Variants in MICU2 observed in about 807,000 individuals in gnomAD.
The protein encoded by MICU2 is mitochondrial calcium uptake 2.
Under a neutral mutation model 60.4 loss-of-function variants are expected in MICU2, and 64 were observed. That is an observed-to-expected ratio of 1.06 (90% CI 0.87 to 1.31). The LOEUF (loss-of-function observed/expected upper bound fraction) is 1.31. MICU2 is among the 50% of genes most tolerant of loss of function. The probability of loss-of-function intolerance (pLI) is 0.00; values close to 1 mark genes in which losing one functional copy is unlikely to be tolerated. For missense variants in MICU2, 569 were observed against 531.0 expected, an observed-to-expected ratio of 1.07 and a Z score of -0.70; for synonymous variants, 201 against 175.0, an observed-to-expected ratio of 1.15 and a Z score of -1.17.
At chr13:21,602,310 C>T (rs1321233249) in intron 1 of MICU2, among the ~76,000 whole-genome samples, 2 of 152,030 alleles carry the variant, frequency 1.3e-5, no homozygotes, top group Non-Finnish European at 1.5e-5. Context: ...ATCACGAGGT[C>T]AGGAGATCGA....
intron 2 of MICU2, among the ~76,000 whole-genome samples, chr13:21,558,092 T>C (rs1453966436): frequency 1.3e-5 from 2 of 152,238 alleles, no homozygotes; most frequent in Non-Finnish European, 2.9e-5. Context: ...CTGAGTACTA[T>C]TAACAATTCC....
intron 1 of MICU2, among the ~76,000 whole-genome samples, chr13:21,594,790 A>C (rs1490223438): frequency 2.6e-5 from 4 of 152,136 alleles, no homozygotes; most frequent in African/African-American, 9.7e-5. Flanking sequence ...AGAAAATCAA[A>C]CACCACATGT....
At chr13:21,587,371 T>C (rs1888482620) in intron 1 of MICU2, among the ~76,000 whole-genome samples, 1 of 152,250 alleles carries the variant, frequency 6.6e-6, no homozygotes, top group South Asian at 2.1e-4. Flanking sequence ...CTGACAGATG[T>C]CTTCTTACCA....
intron 2 of MICU2, among the ~76,000 whole-genome samples, chr13:21,559,968 G>A (rs1016950990): frequency 6.6e-6 from 1 of 152,106 alleles, no homozygotes; most frequent in Non-Finnish European, 1.5e-5. Context: ...TCACTAATAA[G>A]GGTAAACATA....
Position 21,510,024 on chromosome 13 carries a change from A to C in MICU2, c.741T>G (p.Leu247=). ...TTTACCTTCGAAATTCTTTATAATG[A>C]AGTTTTCTTTGTCCTCTTTTTCCAA... ...RFFGKRGQRK[L]HYKEFRRFME... The change falls in exon 8 of 12, where the codon CTT becomes CTG. Residue 247 remains leucine, a synonymous_variant. Transcript: ENST00000382374. The C allele has an allele frequency of 2.0e-6, 3 of 1,537,860 alleles. No homozygotes were observed. The highest frequency in any genetic ancestry group is 1.7e-4 in the Middle Eastern group (1 of 5,830).
At chr13:21,540,737 T>C (rs1030957562) in intron 2 of MICU2, among the ~76,000 whole-genome samples, 2 of 152,150 alleles carry the variant, frequency 1.3e-5, no homozygotes, top group Non-Finnish European at 2.9e-5. Context: ...GGAGAAACTA[T>C]TATGTGCCAG....
At chr13:21,585,063 C>T (rs80173791) in intron 1 of MICU2, among the ~76,000 whole-genome samples, 3 of 152,280 alleles carry the variant, frequency 2.0e-5, no homozygotes, top group East Asian at 1.9e-4. Context: ...ACAGTAGGAT[C>T]GTTAACTACT....
rs191570897 is a variant in MICU2 at position 21,590,356 on chromosome 13, G to A, written c.210+13583C>T. On this transcript the variant is annotated intron_variant, in intron 1 of 11. Transcript: ENST00000382374. ...TTCAGCCAAAGTAAGCTCCATAAGC[G>A]AAGGAGAAATAAAATCCTTTCCAGA... 1.3e-4 allele frequency among the ~76,000 whole-genome samples: 20 copies of A among 152,292 alleles called. No individual in the cohort carries two copies. In the South Asian group the frequency reaches 1.9e-3, roughly 14 times the overall value.
chr13:21,526,580 C>G (rs375318631), intron 4 of MICU2, among the ~76,000 whole-genome samples: 1 of 151,340 alleles, frequency 6.6e-6, no homozygotes, highest in Non-Finnish European at 1.5e-5. Context: ...TAGAGAGATA[C>G]GAATAGTAAG....
intron 4 of MICU2, among the ~76,000 whole-genome samples, chr13:21,527,499 A>C (rs1163470386): frequency 6.6e-6 from 1 of 152,228 alleles, no homozygotes; most frequent in African/African-American, 2.4e-5. Flanking sequence ...ACAGTATAAA[A>C]ACAGTACCTT....
chr13:21,528,347 A>T (rs369679217), intron 4 of MICU2, among the ~76,000 whole-genome samples: 33 of 152,342 alleles, frequency 2.2e-4, no homozygotes, highest in African/African-American at 7.9e-4. Context: ...TAAAAAGTGT[A>T]TCTTCTGAAT....
chr13:21,499,803 T>G (rs1056110480), intron 9 of MICU2, among the ~76,000 whole-genome samples: 5 of 150,124 alleles, frequency 3.3e-5, no homozygotes, highest in Non-Finnish European at 7.4e-5. Context: ...ATCCCAGCAC[T>G]TTGGGAGGCC....
chr13:21,548,896 G>A (rs1371875465), intron 2 of MICU2, among the ~76,000 whole-genome samples: 2 of 151,928 alleles, frequency 1.3e-5, no homozygotes, highest in Non-Finnish European at 2.9e-5. Context: ...CCCAGGGTGG[G>A]GGAGGAGAGA....
intron 5 of MICU2, 61 bp from the exon 6 acceptor site, chr13:21,521,388 G>C (rs111606012): frequency 1.8e-5 from 25 of 1,360,690 alleles, no homozygotes; most frequent in African/African-American, 4.4e-5. Flanking sequence ...TTTGTAGATA[G>C]ATAGGTCTTC....
intron 4 of MICU2, chr13:21,530,906 T>C (rs1272471170): frequency 2.8e-5 from 21 of 758,436 alleles, no homozygotes; most frequent in South Asian, 1.3e-4. Flanking sequence ...TGGGCTGATA[T>C]AGATCTAGTG....
At chr13:21,569,564 T>G (rs9509798) in intron 1 of MICU2, among the ~76,000 whole-genome samples, 21,081 of 151,988 alleles carry the variant, frequency 0.14, 1,637 homozygotes, top group Middle Eastern at 0.23. Context: ...AAGAAAACAC[T>G]GAATTGAGCA....
chr13:21,526,586 G>C (rs1014874678), intron 4 of MICU2, among the ~76,000 whole-genome samples: 10 of 151,982 alleles, frequency 6.6e-5, no homozygotes, highest in African/African-American at 2.4e-4. Flanking sequence ...GATACGAATA[G>C]TAAGAGTTAC....
At position 21,493,301 on chromosome 13, in the gene MICU2, CT is replaced by C. The variant is rs760323007; in HGVS notation, c.1252del (p.Ser418AlafsTer5). On this transcript the variant is annotated frameshift_variant, in exon 12 of 12. Transcript: ENST00000382374. LOFTEE classifies it high-confidence loss of function. ...QEYWKCVKKE[S>X]IKGVKEVWKQ... is the part of the protein sequence containing the mutation. Reference sequence around the variant, plus strand: ...CCAGACTTCTTTTACTCCTTTAATGCTTTCTTTCTTCACACACTTCCAGTAT... The same window carrying C: ...CCAGACTTCTTTTACTCCTTTAATGCTTCTTTCTTCACACACTTCCAGTAT... 1 of 1,610,912 alleles carries C rather than the reference CT, an allele frequency of 6.2e-7. No individual in the cohort carries two copies. Among genetic ancestry groups the C allele is most frequent in the Non-Finnish European group, 8.5e-7 (1 of 1,178,856 alleles).
At chr13:21,555,634 T>C (rs1331392291) in intron 2 of MICU2, among the ~76,000 whole-genome samples, 1 of 152,190 alleles carries the variant, frequency 6.6e-6, no homozygotes, top group African/African-American at 2.4e-5. Context: ...TCAGAATTAA[T>C]AACTTCAAGT....
Sources: allele counts gnomAD v4.1 joint callset (sites outside exome capture counted in the v4.1 genomes callset), GRCh38; gene constraint gnomAD v4.1.1; transcripts MANE v1.5; gene names NCBI Gene and HGNC (gene_info 2026-07-23, HGNC 2026-07-21).